The following RGS7 variants were observed in gnomAD, a reference collection of about 807,000 sequenced individuals.
RGS7 encodes regulator of G protein signaling 7, also known as regulator of G-protein signaling 7.
Under a neutral mutation model 81.1 loss-of-function variants are expected in RGS7, and 27 were observed. That is an observed-to-expected ratio of 0.33 (90% CI 0.25 to 0.46). The LOEUF (loss-of-function observed/expected upper bound fraction) is 0.46, where lower values mean the gene tolerates loss of function less well. Ranked by LOEUF, RGS7 falls within the 20% of genes least tolerant of loss-of-function variation. The pLI, the probability that RGS7 is intolerant of heterozygous loss-of-function variation, is 1.00. For missense variants in RGS7, 396 were observed against 607.4 expected (o/e 0.65, Z 3.66); for synonymous variants, 208 against 207.7 (o/e 1.00, Z -0.01).
chr1:241,355,500 C>CACAAAACCAGCAGGGAACA (rs2083504577), intron 2 of RGS7, among the ~76,000 whole-genome samples, 199 bp downstream of exon 2: 2 of 152,110 alleles, frequency 1.3e-5, no homozygotes, highest in Non-Finnish European at 2.9e-5. Flanking sequence ...CGTGAGGAGG[C>CACAAAACCAGCAGGGAACA]CTCATTTACT....
In RGS7 at chr1:240,986,763, T is replaced by C. The variant is rs1288258853; in HGVS notation, c.176-3634A>G. On this transcript the variant is annotated intron_variant, in intron 3 of 18. Coordinates refer to ENST00000440928, the MANE Select transcript of RGS7 (RefSeq NM_001364886.1). ...TCGCCCGGCTAATTTTTTGTATTTT[T>C]AGTAGAGACAGGGTTTCACCGTGTT... Among the ~76,000 whole-genome samples the C allele has an allele frequency of 9.9e-5, 2 of 20,164 alleles. 1 individual carries two copies. Among genetic ancestry groups the C allele is most frequent in the Non-Finnish European group, 1.8e-4 (2 of 10,994 alleles). The allele number at this position is 20,164 out of a possible 152,430, so 13.2% of individuals were successfully genotyped here. A position where few individuals can be genotyped will look rare whatever the true frequency, so the allele number is the denominator to read the frequency against.
At chr1:241,028,894 G>A (rs2059926805) in intron 3 of RGS7, among the ~76,000 whole-genome samples, 2 of 152,124 alleles carry the variant, frequency 1.3e-5, no homozygotes, top group Non-Finnish European at 2.9e-5. Context: ...AAGACCCAAA[G>A]GGAATGCGAA....
intron 2 of RGS7, among the ~76,000 whole-genome samples, chr1:241,120,872 G>A (rs927150407): frequency 6.6e-6 from 1 of 152,184 alleles, no homozygotes; most frequent in Non-Finnish European, 1.5e-5. Flanking sequence ...AGGGTTTAGA[G>A]TGGAGGTGCA....
chr1:241,190,114 C>A (rs369447897), intron 2 of RGS7, among the ~76,000 whole-genome samples: 1 of 151,782 alleles, frequency 6.6e-6, no homozygotes, highest in Non-Finnish European at 1.5e-5. Flanking sequence ...AAAAAAAAAT[C>A]AACTGGTCCT....
At chr1:241,021,503 A>G (rs1007165366) in intron 3 of RGS7, among the ~76,000 whole-genome samples, 17 of 152,220 alleles carry the variant, frequency 1.1e-4, no homozygotes, top group Admixed American at 1.3e-4. Flanking sequence ...AGCTATGGGC[A>G]TATGGCACAG....
chr1:240,993,835 A>G (rs1182661803), intron 3 of RGS7, among the ~76,000 whole-genome samples: 2 of 151,904 alleles, frequency 1.3e-5, no homozygotes, highest in Admixed American at 6.6e-5. Flanking sequence ...TTAATTTTCC[A>G]TTTTGTATTA....
At chr1:241,033,516 A>C (rs922367586) in intron 3 of RGS7, among the ~76,000 whole-genome samples, 1 of 152,102 alleles carries the variant, frequency 6.6e-6, no homozygotes, top group Non-Finnish European at 1.5e-5. Context: ...TTTATATTTT[A>C]TATAAAAATG....
intron 2 of RGS7, among the ~76,000 whole-genome samples, chr1:241,273,846 T>C (rs2148360668): frequency 6.6e-6 from 1 of 152,312 alleles, no homozygotes; most frequent in South Asian, 2.1e-4. Context: ...ATTCCATCAT[T>C]TGGCACTGTA....
chr1:240,995,713 T>C (rs1687175539), intron 3 of RGS7, among the ~76,000 whole-genome samples: 1 of 151,622 alleles, frequency 6.6e-6, no homozygotes, highest in African/African-American at 2.4e-5. Context: ...CTTTTCTTTT[T>C]TTTTTTTTGT....
chr1:241,204,720 T>C (rs1269284580), intron 2 of RGS7, among the ~76,000 whole-genome samples: 1 of 151,062 alleles, frequency 6.6e-6, no homozygotes, highest in African/African-American at 2.4e-5. Flanking sequence ...AAAAAAAGAA[T>C]GAGCCTATGA....
rs111978881 is a variant in RGS7 at position 241,231,435 on chromosome 1, G to T, written c.78+124264C>A. Reference sequence around the variant, plus strand: ...ATCACATTTTGATTAACCATGCCTGGCTAATTTTTGTATTTTTAGGAGACA... The same window carrying T: ...ATCACATTTTGATTAACCATGCCTGTCTAATTTTTGTATTTTTAGGAGACA... On this transcript the variant is annotated intron_variant, in intron 2 of 18. Transcript: ENST00000440928. Among the ~76,000 whole-genome samples, 1,232 of 152,208 alleles carry T rather than the reference G, an allele frequency of 8.1e-3. 18 individuals are homozygous for T. The highest frequency in any genetic ancestry group is 0.026 in the African/African-American group (1,097 of 41,532).
chr1:240,807,799 C>G (rs1558282811), intron 14 of RGS7, among the ~76,000 whole-genome samples: 1 of 152,134 alleles, frequency 6.6e-6, no homozygotes, highest in East Asian at 1.9e-4. Flanking sequence ...CTTTGGGAGG[C>G]TGAGGCGGGC....
intron 3 of RGS7, among the ~76,000 whole-genome samples, chr1:241,030,590 A>C (rs1015478128): frequency 2.0e-5 from 3 of 150,106 alleles, no homozygotes; most frequent in Non-Finnish European, 3.0e-5. Flanking sequence ...GCCTTGACCT[A>C]TCTCTCTTTT....
At position 240,933,570 on chromosome 1, in the gene RGS7, C is replaced by A. The variant is rs1488802928; in HGVS notation, c.334-2802G>T. 2.0e-5 allele frequency among the ~76,000 whole-genome samples: 3 copies of A among 151,980 alleles called. No homozygotes were observed. The East Asian group carries it at 5.8e-4, about 29-fold the overall frequency. On this transcript the variant is annotated intron_variant, in intron 5 of 18. Coordinates refer to ENST00000440928, the MANE Select transcript of RGS7 (RefSeq NM_001364886.1). ...AGTAAACGATAATATAGGAGAACAACAAACTCTTACAGTTTTTTTTGGAAT... is the reference window on the plus strand; with the variant it reads ...AGTAAACGATAATATAGGAGAACAAAAAACTCTTACAGTTTTTTTTGGAAT...
intron 2 of RGS7, among the ~76,000 whole-genome samples, chr1:241,329,800 C>T (rs560307310): frequency 7.3e-4 from 111 of 152,130 alleles, no homozygotes; most frequent in Non-Finnish European, 8.1e-4. Flanking sequence ...TTCTTGTGTG[C>T]TGCTGGTGGA....
chr1:240,846,069 T>G (rs887908959), intron 9 of RGS7, among the ~76,000 whole-genome samples: 1 of 152,202 alleles, frequency 6.6e-6, no homozygotes, highest in African/African-American at 2.4e-5. Flanking sequence ...AATTTATTCA[T>G]GAATTCAAAA....
intron 6 of RGS7, among the ~76,000 whole-genome samples, chr1:240,877,440 A>C (rs1665626592): frequency 6.6e-6 from 1 of 151,788 alleles, no homozygotes; most frequent in Admixed American, 6.6e-5. Flanking sequence ...ACACATATGA[A>C]TATCTGTTTA....
intron 6 of RGS7, among the ~76,000 whole-genome samples, chr1:240,884,582 G>T (rs1667023279): frequency 6.6e-6 from 1 of 152,194 alleles, no homozygotes; most frequent in Non-Finnish European, 1.5e-5. Context: ...GAACAGAATA[G>T]AGAGCCCAGA....
intron 6 of RGS7, among the ~76,000 whole-genome samples, chr1:240,904,874 AT>A (rs1670569779): frequency 6.6e-6 from 1 of 152,196 alleles, no homozygotes; most frequent in African/African-American, 2.4e-5. Flanking sequence ...AATGCATGGT[AT>A]TTTCAATGCT....
Sources: gnomAD v4.1 joint callset for allele counts (sites outside exome capture counted in the v4.1 genomes callset) on GRCh38, gnomAD v4.1.1 for gene constraint, MANE v1.5 for transcripts, NCBI Gene and HGNC (gene_info 2026-07-23, HGNC 2026-07-21) for gene names.